The following PTPRG variants were observed in gnomAD, a reference collection of about 807,000 sequenced individuals.
PTPRG encodes receptor-type tyrosine-protein phosphatase gamma.
Under a neutral mutation model 165.3 loss-of-function variants are expected in PTPRG, and 102 were observed. The ratio of observed to expected loss-of-function variants is 0.62; its 90% CI spans 0.53 to 0.73. PTPRG has a LOEUF of 0.73. Ranked by LOEUF, PTPRG falls within the 30% of genes least tolerant of loss-of-function variation. The pLI is 0.00. For missense variants in PTPRG, 1,866 were observed against 1,861.4 expected, an observed-to-expected ratio of 1.00 and a Z score of -0.05; for synonymous variants, 675 against 669.5, an observed-to-expected ratio of 1.01 and a Z score of -0.13.
At chr3:62,163,143 G>A (rs949904793) in intron 7 of PTPRG, among the ~76,000 whole-genome samples, 2 of 152,074 alleles carry the variant, frequency 1.3e-5, no homozygotes, top group African/African-American at 2.4e-5. Context: ...GGGAAATTCC[G>A]TCCCCATGAT....
chr3:62,090,883 A>G (rs1423105239), intron 5 of PTPRG, among the ~76,000 whole-genome samples: 2 of 152,128 alleles, frequency 1.3e-5, no homozygotes, highest in Non-Finnish European at 2.9e-5. Context: ...CCAACTTGCC[A>G]CTTACTGGCT....
At position 61,624,547 on chromosome 3, in the gene PTPRG, A is replaced by T. The variant is rs534990790; in HGVS notation, c.85+62175A>T. The stretch of plus-strand genomic sequence containing the variant: ...GGGAAAGCCCAAGGGCATCGCAAAG[A>T]CATGGCTATCTTTGGGGTGCTGAGT... On this transcript the variant is annotated intron_variant, in intron 1 of 29. Coordinates refer to ENST00000474889, the MANE Select transcript of PTPRG (RefSeq NM_002841.4). 5.3e-5 allele frequency among the ~76,000 whole-genome samples: 8 copies of T among 152,358 alleles called. 1 individual carries two copies. The South Asian group carries it at 1.7e-3, about 32-fold the overall frequency.
intron 2 of PTPRG, among the ~76,000 whole-genome samples, chr3:61,876,763 C>G (rs1234869166): frequency 2.6e-5 from 4 of 151,980 alleles, no homozygotes; most frequent in African/African-American, 9.7e-5. Flanking sequence ...AGGTATAAGC[C>G]CTTCTATTAA....
chr3:61,921,146 TC>T (rs1414067534), intron 2 of PTPRG, among the ~76,000 whole-genome samples: 2 of 151,708 alleles, frequency 1.3e-5, no homozygotes, highest in Non-Finnish European at 2.9e-5. Flanking sequence ...CTTCCTTCCT[TC>T]CTTCCTTCCT....
chr3:61,964,588 T>C (rs990137741), intron 2 of PTPRG, among the ~76,000 whole-genome samples: 4 of 152,084 alleles, frequency 2.6e-5, no homozygotes, highest in African/African-American at 9.7e-5. Flanking sequence ...GAAAGTGATA[T>C]GACCTGTTCT....
chr3:61,576,582 G>T (rs949915462), intron 1 of PTPRG, among the ~76,000 whole-genome samples: 1 of 152,170 alleles, frequency 6.6e-6, no homozygotes, highest in African/African-American at 2.4e-5. Context: ...CGAGGTCTTA[G>T]AATCATTTTC....
At chr3:61,834,436 C>T (rs1277014333) in intron 2 of PTPRG, among the ~76,000 whole-genome samples, 2 of 152,080 alleles carry the variant, frequency 1.3e-5, no homozygotes, top group Non-Finnish European at 2.9e-5. Context: ...TGGCATGTAC[C>T]TGTAGTCCTA....
At chr3:62,122,788 G>C (rs897103924) in intron 5 of PTPRG, among the ~76,000 whole-genome samples, 1 of 152,158 alleles carries the variant, frequency 6.6e-6, no homozygotes, top group Non-Finnish European at 1.5e-5. Flanking sequence ...TCTAGAAACG[G>C]TGACATAGCA....
chr3:61,777,486 A>G (rs761572963), intron 2 of PTPRG, among the ~76,000 whole-genome samples: 4 of 152,226 alleles, frequency 2.6e-5, no homozygotes, highest in Admixed American at 6.5e-5. Flanking sequence ...GGGAATACCA[A>G]GATGCATTGG....
chr3:62,021,744 T>C (rs980185546), intron 4 of PTPRG, among the ~76,000 whole-genome samples: 5 of 152,098 alleles, frequency 3.3e-5, no homozygotes, highest in African/African-American at 4.8e-5. Context: ...AAACTGTCTA[T>C]AATAATAGTG....
intron 12 of PTPRG, among the ~76,000 whole-genome samples, chr3:62,204,248 G>A (rs1189573009): frequency 2.0e-5 from 3 of 152,114 alleles, no homozygotes; most frequent in Non-Finnish European, 4.4e-5. Context: ...AAAAGCCATC[G>A]ATCTTAAGAA....
intron 2 of PTPRG, among the ~76,000 whole-genome samples, chr3:61,785,751 T>C (rs1220891412): frequency 6.6e-6 from 1 of 152,184 alleles, no homozygotes; most frequent in African/African-American, 2.4e-5. Flanking sequence ...CAGATACACA[T>C]TGACAACAAT....
At chr3:62,192,516 C>T (rs999497007) in intron 9 of PTPRG, among the ~76,000 whole-genome samples, 1 of 143,648 alleles carries the variant, frequency 7.0e-6, no homozygotes, top group Non-Finnish European at 1.5e-5. Flanking sequence ...TCATGCCATT[C>T]TCCTGCCTCA....
At chr3:62,185,892 A>T (rs75118280) in intron 8 of PTPRG, among the ~76,000 whole-genome samples, 13,168 of 152,210 alleles carry the variant, frequency 0.087, 820 homozygotes, top group East Asian at 0.35. Flanking sequence ...CAGGATTTGC[A>T]TGGGTCTGGC....
At chr3:62,027,456 A>G (rs1482528314) in intron 4 of PTPRG, among the ~76,000 whole-genome samples, 1 of 152,156 alleles carries the variant, frequency 6.6e-6, no homozygotes, top group Non-Finnish European at 1.5e-5. Flanking sequence ...CTGTGTCAGC[A>G]TAAATCAGCT....
chr3:62,203,826 C>T lies in PTPRG; in HGVS notation c.2031C>T (p.Pro677=). 1.2e-6 allele frequency: 2 copies of T among 1,614,110 alleles called. No homozygotes were observed. Among genetic ancestry groups the T allele is most frequent in the Non-Finnish European group, 1.7e-6 (2 of 1,180,022 alleles). Residue 677 remains proline (P), a synonymous_variant, in exon 12 of 30, where the codon CCC becomes CCT. Transcript: ENST00000474889. This position sits in a 1 kb window ranked among gnomAD's most constrained non-coding sequence, Gnocchi z 6.4. ...ACATGGTCACCTCCACCCAAGTGCCCCCCACCGCCACAGAGGAGCAGTATG... is the reference window on the plus strand; with the variant it reads ...ACATGGTCACCTCCACCCAAGTGCCTCCCACCGCCACAGAGGAGCAGTATG... ...DPDMVTSTQV[P]PTATEEQYAG...
At chr3:61,706,639 G>T (rs1019536168) in intron 1 of PTPRG, among the ~76,000 whole-genome samples, 1 of 151,822 alleles carries the variant, frequency 6.6e-6, no homozygotes, top group Non-Finnish European at 1.5e-5. Flanking sequence ...AATTACAGGC[G>T]CTACCACGCC....
At chr3:62,041,362 C>A (rs914112923) in intron 4 of PTPRG, among the ~76,000 whole-genome samples, 3 of 152,086 alleles carry the variant, frequency 2.0e-5, no homozygotes, top group Non-Finnish European at 4.4e-5. Context: ...ATACTGGCAT[C>A]TTTTTTCATG....
Position 62,240,837 on chromosome 3 carries a change from G to A in PTPRG, c.2376-2970G>A, listed in dbSNP as rs1351256783. Among the ~76,000 whole-genome samples, 1 of 152,152 alleles carries A rather than the reference G, an allele frequency of 6.6e-6. No homozygotes were observed. The highest frequency in any genetic ancestry group is 1.9e-4 in the East Asian group (1 of 5,190). On this transcript the variant is annotated intron_variant, in intron 14 of 29. Transcript: ENST00000474889. The surrounding 1 kb of genome is among the most constrained non-coding windows in gnomAD (Gnocchi z 5.1). Reference sequence around the variant, plus strand: ...CTCAGTGAAGTCCCTTCCTTCAGCCGACTTCATTTACCACCACATCATTCT... The same window carrying A: ...CTCAGTGAAGTCCCTTCCTTCAGCCAACTTCATTTACCACCACATCATTCT...
Sources: allele counts gnomAD v4.1 joint callset (sites outside exome capture counted in the v4.1 genomes callset), GRCh38; gene constraint gnomAD v4.1.1; non-coding constraint Gnocchi (gnomAD v3.1); transcripts MANE v1.5; gene names NCBI Gene and HGNC (gene_info 2026-07-23, HGNC 2026-07-21).